Variants in OSBPL8 observed in about 807,000 individuals in gnomAD.
OSBPL8 encodes oxysterol binding protein like 8, also known as oxysterol-binding protein-related protein 8.
In OSBPL8, 59 loss-of-function variants were observed where a neutral mutation model predicts 125.5. That is an observed-to-expected ratio of 0.47 (90% CI 0.38 to 0.58). The LOEUF is 0.58. Ranked by LOEUF, OSBPL8 falls within the 20% of genes least tolerant of loss-of-function variation. The pLI is 0.00. For synonymous variants in OSBPL8, 330 were observed against 338.9 expected (o/e 0.97, Z 0.29); for missense variants, 758 against 1,047.8 (o/e 0.72, Z 3.82).
intron 2 of OSBPL8, among the ~76,000 whole-genome samples, chr12:76,477,420 T>C (rs528786249): frequency 1.3e-5 from 2 of 152,302 alleles, no homozygotes; most frequent in African/African-American, 4.8e-5. Context: ...ACTTTATCTC[T>C]GTGGTCTTCC....
intron 1 of OSBPL8, among the ~76,000 whole-genome samples, chr12:76,525,895 T>C (rs1289001594): frequency 2.0e-5 from 3 of 152,250 alleles, no homozygotes; most frequent in Non-Finnish European, 2.9e-5. Flanking sequence ...ACTAGTATTT[T>C]TGAATACCTA....
chr12:76,409,369 A>C (rs1215502104), intron 5 of OSBPL8, among the ~76,000 whole-genome samples: 1 of 152,204 alleles, frequency 6.6e-6, no homozygotes, highest in African/African-American at 2.4e-5. Flanking sequence ...AGCATCTTAT[A>C]ATACCCCTCA....
intron 5 of OSBPL8, among the ~76,000 whole-genome samples, chr12:76,405,895 T>C (rs907620616): frequency 1.3e-5 from 2 of 152,158 alleles, no homozygotes; most frequent in Admixed American, 6.5e-5. Context: ...ATGTTTAGCA[T>C]GTTATATATT....
chr12:76,454,100 T>C (rs1873734142), intron 3 of OSBPL8, among the ~76,000 whole-genome samples: 2 of 152,302 alleles, frequency 1.3e-5, no homozygotes, highest in African/African-American at 4.8e-5. Flanking sequence ...GGAGTATAAG[T>C]TGATACAAGC....
At chr12:76,490,206 A>C (rs1878563024) in intron 1 of OSBPL8, among the ~76,000 whole-genome samples, 1 of 152,244 alleles carries the variant, frequency 6.6e-6, no homozygotes, top group African/African-American at 2.4e-5. Flanking sequence ...GCTGAAATTG[A>C]CAGGGACAGG....
At chr12:76,552,691 T>C (rs1262320984) in intron 1 of OSBPL8, among the ~76,000 whole-genome samples, 3 of 152,098 alleles carry the variant, frequency 2.0e-5, no homozygotes, top group Admixed American at 2.0e-4. Flanking sequence ...TCTGGCCCCC[T>C]CTCTGCTTAA....
At position 76,384,292 on chromosome 12, in the gene OSBPL8, C is replaced by G; in HGVS notation, c.1592G>C (p.Cys531Ser). 6.4e-7 allele frequency: 1 copy of G among 1,569,458 alleles called. No homozygotes were observed. Among genetic ancestry groups the G allele is most frequent in the Non-Finnish European group, 8.7e-7 (1 of 1,151,252 alleles). ...FYVSNRKDGFCLSGSILAKSK... is the reference protein window; with the variant it reads ...FYVSNRKDGFSLSGSILAKSK... Reference sequence around the variant, plus strand: ...CTTAGCCAGGATACTACCGCTAAGGCAAAATCCATCTTTTCGATTACTAAC... The same window carrying G: ...CTTAGCCAGGATACTACCGCTAAGGGAAAATCCATCTTTTCGATTACTAAC... The change falls in exon 15 of 24, where the codon TGC (cysteine) becomes TCC (serine). Residue 531 changes from cysteine to serine, a missense_variant. Transcript: ENST00000261183.
chr12:76,461,883 T>A (rs1435672903), intron 2 of OSBPL8, among the ~76,000 whole-genome samples: 1 of 152,186 alleles, frequency 6.6e-6, no homozygotes, highest in Non-Finnish European at 1.5e-5. Context: ...GCTTGTTGTT[T>A]TATGCCACTT....
chr12:76,498,725 CTTTTTTTTT>C (rs369287376), intron 1 of OSBPL8, among the ~76,000 whole-genome samples: 1 of 102,498 alleles, frequency 9.8e-6, no homozygotes. Context: ...AGCCTCCCCA[CTTTTTTTTT>C]TTTTTTTTTT....
chr12:76,439,082 A>G (rs1871856061), intron 4 of OSBPL8, among the ~76,000 whole-genome samples: 1 of 152,072 alleles, frequency 6.6e-6, no homozygotes, highest in Non-Finnish European at 1.5e-5. Context: ...TGGCAATTAT[A>G]AGATATAGAG....
intron 1 of OSBPL8, among the ~76,000 whole-genome samples, chr12:76,519,241 G>T (rs537518144): frequency 4.6e-5 from 7 of 152,248 alleles, no homozygotes; most frequent in African/African-American, 1.7e-4. Context: ...ACCTTCCACA[G>T]AACCCTAGGA....
At chr12:76,428,928 T>C (rs1241285822) in intron 4 of OSBPL8, among the ~76,000 whole-genome samples, 1 of 152,072 alleles carries the variant, frequency 6.6e-6, no homozygotes, top group East Asian at 1.9e-4. Context: ...GAACTTTGCT[T>C]TAAAATAGAA....
intron 7 of OSBPL8, 82 bp from the exon 8 acceptor site, chr12:76,397,979 A>T: frequency 2.4e-6 from 3 of 1,230,968 alleles, no homozygotes; most frequent in Non-Finnish European, 1.1e-6. Context: ...AGATGTTTTA[A>T]TCTAAAATTT....
chr12:76,380,596 C>CT (rs916367586), intron 15 of OSBPL8, among the ~76,000 whole-genome samples: 1 of 141,298 alleles, frequency 7.1e-6, no homozygotes, highest in Non-Finnish European at 1.5e-5. Flanking sequence ...ACTGATTTTT[C>CT]TTTTTTGACC....
At chr12:76,506,230 T>C (rs1880402690) in intron 1 of OSBPL8, among the ~76,000 whole-genome samples, 2 of 152,104 alleles carry the variant, frequency 1.3e-5, no homozygotes, top group Non-Finnish European at 2.9e-5. Context: ...GTGGGAAGAC[T>C]TGGGGAAGAA....
In OSBPL8 at chr12:76,505,024, C is replaced by T. The variant is rs118038170; in HGVS notation, c.-67-17406G>A. Among the ~76,000 whole-genome samples the T allele has an allele frequency of 3.6e-3, 549 of 152,268 alleles. 3 individuals carry two copies. Among genetic ancestry groups the T allele is most frequent in the Non-Finnish European group, 6.3e-3 (429 of 68,020 alleles). On this transcript the variant is annotated intron_variant, in intron 1 of 23. Transcript: ENST00000261183. ...CAACCAATCACAGCATTCCCCATTC[C>T]CTAGCATCCTGCCCACCAAACTATT... is the stretch of plus-strand genomic sequence containing the variant.
chr12:76,537,903 C>T (rs1250014444), intron 1 of OSBPL8: 1 of 152,086 alleles, frequency 6.6e-6, no homozygotes, highest in African/African-American at 2.4e-5. Flanking sequence ...AGCAAGACTC[C>T]ATGTCTAAAA....
intron 5 of OSBPL8, among the ~76,000 whole-genome samples, chr12:76,407,529 T>C (rs1439675987): frequency 6.6e-6 from 1 of 152,198 alleles, no homozygotes; most frequent in African/African-American, 2.4e-5. Context: ...ATTATAGGCA[T>C]GAAACATTGC....
At chr12:76,545,885 T>A (rs945573619) in intron 1 of OSBPL8, among the ~76,000 whole-genome samples, 1 of 152,182 alleles carries the variant, frequency 6.6e-6, no homozygotes, top group Non-Finnish European at 1.5e-5. Flanking sequence ...CTGATCAACG[T>A]GACAAGGAAA....
Sources: allele counts gnomAD v4.1 joint callset (sites outside exome capture counted in the v4.1 genomes callset), GRCh38; gene constraint gnomAD v4.1.1; transcripts MANE v1.5; gene names NCBI Gene and HGNC (gene_info 2026-07-23, HGNC 2026-07-21).